The following SHCBP1L variants were observed in gnomAD, a reference collection of about 807,000 sequenced individuals.
SHCBP1L encodes the protein testicular spindle-associated protein SHCBP1L.
Under a neutral mutation model 62.5 loss-of-function variants are expected in SHCBP1L, and 67 were observed. The ratio of observed to expected loss-of-function variants is 1.07; its 90% CI spans 0.88 to 1.31. The LOEUF (loss-of-function observed/expected upper bound fraction) is 1.31. Among genes scored for constraint, SHCBP1L ranks in the 40% most tolerant of loss-of-function variants. The probability of loss-of-function intolerance (pLI) is 0.00; values close to 1 mark genes in which losing one functional copy is unlikely to be tolerated. For synonymous variants in SHCBP1L, 284 were observed against 289.4 expected (o/e 0.98, Z 0.19); for missense variants, 823 against 809.8 (o/e 1.02, Z -0.20).
chr1:182,905,657 G>GA lies in SHCBP1L; in HGVS notation c.1183-9dup. Reference sequence around the variant, plus strand: ...TGAAGATAAATCCTTTATCTAAAAAGAAATAAAACACTTGCGCTTTCAATA... The same window carrying GA: ...TGAAGATAAATCCTTTATCTAAAAAGAAAATAAAACACTTGCGCTTTCAATA... On this transcript the variant is annotated splice_polypyrimidine_tract_variant and intron_variant, in intron 6 of 9. Coordinates refer to ENST00000367547, the MANE Select transcript of SHCBP1L (RefSeq NM_030933.4). 1 of 1,607,588 alleles carries GA rather than the reference G, an allele frequency of 6.2e-7. No homozygotes were observed. The highest frequency in any genetic ancestry group is 2.2e-5 in the East Asian group (1 of 44,660).
At chr1:182,942,331 C>T in intron 2 of SHCBP1L, 1 of 816,040 alleles carries the variant, frequency 1.2e-6, no homozygotes, top group South Asian at 1.3e-5. Flanking sequence ...GCTTAGCTGA[C>T]AACCGCCCCG....
intron 2 of SHCBP1L, among the ~76,000 whole-genome samples, chr1:182,942,790 C>T (rs1334065023): frequency 2.0e-5 from 3 of 151,984 alleles, no homozygotes; most frequent in Admixed American, 6.6e-5. Context: ...CTTTATTTTT[C>T]GGTAGAGTTA....
intron 6 of SHCBP1L, among the ~76,000 whole-genome samples, chr1:182,921,777 C>T (rs141264106): frequency 1.9e-4 from 29 of 152,160 alleles, no homozygotes; most frequent in African/African-American, 5.5e-4. Flanking sequence ...GCGGTGGCAA[C>T]GTGCCTGTGA....
At chr1:182,922,318 G>A (rs1245135282) in intron 6 of SHCBP1L, among the ~76,000 whole-genome samples, 1 of 151,906 alleles carries the variant, frequency 6.6e-6, no homozygotes, top group Non-Finnish European at 1.5e-5. Flanking sequence ...TCTACAGATC[G>A]CCTGAGGTCA....
chr1:182,902,056 T>C (rs1172900235), intron 9 of SHCBP1L, among the ~76,000 whole-genome samples: 2 of 149,420 alleles, frequency 1.3e-5, no homozygotes, highest in Non-Finnish European at 3.0e-5. Flanking sequence ...TCTTTCTTTT[T>C]TTTTCTTTTT....
chr1:182,926,398 T>C (rs543829226), intron 6 of SHCBP1L, among the ~76,000 whole-genome samples: 54 of 152,316 alleles, frequency 3.5e-4, no homozygotes, highest in Non-Finnish European at 6.2e-4. Flanking sequence ...ATGATGGCTA[T>C]ATTATTGGGA....
At chr1:182,915,454 C>T (rs1199929299) in intron 6 of SHCBP1L, among the ~76,000 whole-genome samples, 2 of 152,046 alleles carry the variant, frequency 1.3e-5, no homozygotes, top group Non-Finnish European at 2.9e-5. Flanking sequence ...AAAACATTCA[C>T]AGAATTGAAG....
intron 5 of SHCBP1L, 121 bp downstream of exon 5, chr1:182,939,055 T>A: frequency 1.4e-6 from 1 of 724,068 alleles, no homozygotes; most frequent in East Asian, 2.7e-5. Flanking sequence ...GCTTACCTCA[T>A]AAATTAGACA....
At position 182,952,912 on chromosome 1, in the gene SHCBP1L, G is replaced by C. The variant is rs776034015; in HGVS notation, c.222C>G (p.Pro74=). ...CTCCCGTGTCCTCGGCCTGAGCCGCGGGCAGGCGCTGGAGCCGCAGCCTGG... is the reference window on the plus strand; with the variant it reads ...CTCCCGTGTCCTCGGCCTGAGCCGCCGGCAGGCGCTGGAGCCGCAGCCTGG... The part of the protein sequence containing the change: ...ETARLRLQRL[P]AAQAEDTGEA... The change falls in exon 1 of 10, where the codon CCC becomes CCG. Residue 74 remains proline (P), a synonymous_variant. Transcript: ENST00000367547. 2.7e-5 allele frequency: 43 copies of C among 1,571,530 alleles called. No individual in the cohort carries two copies. The highest frequency in any genetic ancestry group is 3.4e-5 in the Non-Finnish European group (40 of 1,159,570).
At chr1:182,934,027 G>A (rs1651090953) in intron 5 of SHCBP1L, among the ~76,000 whole-genome samples, 1 of 152,088 alleles carries the variant, frequency 6.6e-6, no homozygotes, top group South Asian at 2.1e-4. Flanking sequence ...GAGCCAGTCA[G>A]AATTTATGTT....
chr1:182,905,600 T>G lies in SHCBP1L; in HGVS notation c.1232A>C (p.Asp411Ala). Reference sequence around the variant, plus strand: ...ACTATAACAATTATCCAAAGCCAAATCCAAATCACCATGCTGTTGGAGAAG... The same window carrying G: ...ACTATAACAATTATCCAAAGCCAAAGCCAAATCACCATGCTGTTGGAGAAG... ...DTLLQQHGDL[D>A]LALDNCYSGD... The change falls in exon 7 of 10, where the codon GAT (aspartate) becomes GCT (alanine). Residue 411 changes from aspartate to alanine, a missense_variant. Coordinates refer to ENST00000367547, the MANE Select transcript of SHCBP1L (RefSeq NM_030933.4). The G allele has an allele frequency of 6.2e-7, 1 of 1,613,720 alleles. No homozygotes were observed. The highest frequency in any genetic ancestry group is 1.3e-5 in the African/African-American group (1 of 75,036).
In SHCBP1L at chr1:182,905,476, A is replaced by G. The variant is rs1421232225; in HGVS notation, c.1336+20T>C. ...AGTATACATTGCTGTAAAAAAAACT[A>G]CAAAGGATGCCCTGCTAACCCTTTA... is the stretch of plus-strand genomic sequence containing the variant. On this transcript the variant is annotated intron_variant, in intron 7 of 9. Coordinates refer to ENST00000367547, the MANE Select transcript of SHCBP1L (RefSeq NM_030933.4). The G allele has an allele frequency of 6.2e-7, 1 of 1,611,466 alleles. No homozygotes were observed. The highest frequency in any genetic ancestry group is 2.2e-5 in the East Asian group (1 of 44,734).
At chr1:182,930,719 A>ATG in intron 5 of SHCBP1L, among the ~76,000 whole-genome samples, 1 of 97,484 alleles carries the variant, frequency 1.0e-5, no homozygotes, top group Non-Finnish European at 1.9e-5. Context: ...ATATATATAT[A>ATG]TATATGTATT....
At chr1:182,913,418 T>C (rs976441968) in intron 6 of SHCBP1L, among the ~76,000 whole-genome samples, 1 of 152,168 alleles carries the variant, frequency 6.6e-6, no homozygotes, top group African/African-American at 2.4e-5. Flanking sequence ...AACTGATTGA[T>C]TACTTGCTGG....
chr1:182,946,633 C>A (rs1651575716), intron 2 of SHCBP1L, among the ~76,000 whole-genome samples: 1 of 152,086 alleles, frequency 6.6e-6, no homozygotes. Flanking sequence ...AGGTTTATAT[C>A]TTTTGCCAAA....
intron 5 of SHCBP1L, among the ~76,000 whole-genome samples, chr1:182,930,748 T>A (rs1220560416): frequency 7.9e-6 from 1 of 126,246 alleles, no homozygotes; most frequent in Non-Finnish European, 1.7e-5. Context: ...TTTTTTTTTT[T>A]TTTATTAAAG....
intron 8 of SHCBP1L, among the ~76,000 whole-genome samples, chr1:182,903,561 T>A (rs748757415): frequency 1.3e-5 from 2 of 152,238 alleles, no homozygotes; most frequent in Non-Finnish European, 2.9e-5. Flanking sequence ...AAGATGCTCT[T>A]ATTTTTCTAC....
chr1:182,937,953 A>T (rs1044832118), intron 5 of SHCBP1L, among the ~76,000 whole-genome samples: 1 of 152,176 alleles, frequency 6.6e-6, no homozygotes, highest in Admixed American at 6.5e-5. Flanking sequence ...GCCCAACATG[A>T]CAAATCAGGT....
chr1:182,936,292 C>T (rs575394510), intron 5 of SHCBP1L, among the ~76,000 whole-genome samples: 53 of 151,946 alleles, frequency 3.5e-4, no homozygotes, highest in Non-Finnish European at 6.6e-4. Flanking sequence ...TGCACCGCCA[C>T]AACTGGCTAA....
Sources: gnomAD v4.1 joint callset for allele counts (sites outside exome capture counted in the v4.1 genomes callset) on GRCh38, gnomAD v4.1.1 for gene constraint, MANE v1.5 for transcripts, NCBI Gene and HGNC (gene_info 2026-07-23, HGNC 2026-07-21) for gene names.